ULK1: variants seen among roughly 807,000 people sequenced by gnomAD.
The protein encoded by ULK1 is serine/threonine-protein kinase ULK1.
In ULK1, 48 loss-of-function variants were observed where a neutral mutation model predicts 117.5. The ratio of observed to expected loss-of-function variants is 0.41; its 90% CI spans 0.32 to 0.52. ULK1 has a LOEUF of 0.52. Ranked by LOEUF, ULK1 falls within the 20% of genes least tolerant of loss-of-function variation. ULK1 has a pLI of 0.29. For synonymous variants in ULK1, 790 were observed against 637.8 expected (o/e 1.24, Z -3.60); for missense variants, 1,387 against 1,473.4 (o/e 0.94, Z 0.96).
chr12:131,915,747 T>A, intron 18 of ULK1, 144 bp from the exon 19 acceptor site: 5 of 1,175,024 alleles, frequency 4.3e-6, no homozygotes, highest in Non-Finnish European at 5.9e-6. Context: ...CCAGCCTGAA[T>A]GACAGGGCGA....
Position 131,921,461 on chromosome 12 carries a change from T to C in ULK1, c.*100T>C. On this transcript the variant is annotated 3_prime_UTR_variant, in exon 28 of 28. Transcript: ENST00000321867. Reference sequence around the variant, plus strand: ...GGGACAAGCCCATGGCGCTGATCGCTGGTGCTGAGCCCTGCCCTGGGCCCC... The same window carrying C: ...GGGACAAGCCCATGGCGCTGATCGCCGGTGCTGAGCCCTGCCCTGGGCCCC... 15 of 1,554,586 alleles carry C rather than the reference T, an allele frequency of 9.6e-6. No individual in the cohort carries two copies. Among genetic ancestry groups the C allele is most frequent in the Non-Finnish European group, 1.3e-5 (15 of 1,143,670 alleles).
chr12:131,914,597 T>G, intron 16 of ULK1, 120 bp downstream of exon 16: 1 of 1,325,056 alleles, frequency 7.5e-7, no homozygotes, highest in Non-Finnish European at 1.0e-6. Context: ...GGCTGCGCAC[T>G]GCGTAACTCA....
At position 131,917,540 on chromosome 12, in the gene ULK1, C is replaced by T; in HGVS notation, c.2312C>T (p.Thr771Ile). Residue 771 changes from threonine to isoleucine, a missense_variant, in exon 22 of 28, where the codon ACC becomes ATC. Thr to Ile is a moderately conservative substitution (Grantham distance 89, BLOSUM62 -1). Coordinates refer to ENST00000321867, the MANE Select transcript of ULK1 (RefSeq NM_003565.4). ...SGSTPPQGPRTRMFSAGPTGS... is the reference protein window; with the variant it reads ...SGSTPPQGPRIRMFSAGPTGS... ...AGCACGCCCCCCCAGGGCCCCCGCA[C>T]CAGGATGTTCTCAGGTGAGGGCTGG... The T allele has an allele frequency of 7.0e-7, 1 of 1,437,570 alleles. No individual in the cohort carries two copies. Among genetic ancestry groups the T allele is most frequent in the Non-Finnish European group, 9.2e-7 (1 of 1,090,650 alleles). The allele number at this position is 1,437,570 out of a possible 1,614,324, so 89.1% of individuals were successfully genotyped here. A position where few individuals can be genotyped will look rare whatever the true frequency, so the allele number is the denominator to read the frequency against.
chr12:131,895,728 G>A, intron 2 of ULK1, 35 bp downstream of exon 2: 1 of 1,613,384 alleles, frequency 6.2e-7, no homozygotes, highest in Middle Eastern at 1.7e-4. Flanking sequence ...CGTGGGCGTG[G>A]GCGTGGGCAA....
Position 131,915,877 on chromosome 12 carries a change from G to C in ULK1, c.1610-14G>C, listed in dbSNP as rs747447694. 4 of 1,607,866 alleles carry C rather than the reference G, an allele frequency of 2.5e-6. No homozygotes were observed. The highest frequency in any genetic ancestry group is 1.1e-5 in the South Asian group (1 of 91,068). On this transcript the variant is annotated splice_polypyrimidine_tract_variant and intron_variant, in intron 18 of 27. Transcript: ENST00000321867. The stretch of plus-strand genomic sequence containing the variant: ...CCGGACCGGAAGGTCGTGACGAGGC[G>C]TGTCTCTCTCTAGGCTCCTCTGCAC...
intron 3 of ULK1, among the ~76,000 whole-genome samples, chr12:131,900,631 A>C (rs1889047647): frequency 6.7e-6 from 1 of 148,892 alleles, no homozygotes; most frequent in African/African-American, 2.4e-5. Flanking sequence ...GGCCTTGCTG[A>C]TGGTGGCCCC....
Position 131,921,296 on chromosome 12 carries a change from C to T in ULK1, c.3098-10C>T, listed in dbSNP as rs768359973. 2 of 1,608,180 alleles carry T rather than the reference C, an allele frequency of 1.2e-6. No homozygotes were observed. The highest frequency in any genetic ancestry group is 2.2e-5 in the South Asian group (2 of 91,090). ...GGGCGTCTCCCTCACACTCCCCTCT[C>T]CCTCCACAGGCAAGCTGTGCATTGA... On this transcript the variant is annotated splice_polypyrimidine_tract_variant and intron_variant, in intron 27 of 27. Transcript: ENST00000321867.
At position 131,921,350 on chromosome 12, in the gene ULK1, A is replaced by G. The variant is rs781421136; in HGVS notation, c.3142A>G (p.Ile1048Val). 6.2e-7 allele frequency: 1 copy of G among 1,604,408 alleles called. No homozygotes were observed. Among genetic ancestry groups the G allele is most frequent in the Non-Finnish European group, 8.5e-7 (1 of 1,179,928 alleles). ...GAGACTCTCGGCGCTGCTGACTGGC[A>G]TCTGTGCCTGACCTTTCTGGCCTGG... The part of the protein sequence containing the change: ...ERRLSALLTG[I>V]CA The change falls in exon 28 of 28, where the codon ATC (isoleucine) becomes GTC (valine). Residue 1048 changes from isoleucine to valine, a missense_variant. Ile to Val is a conservative substitution (Grantham distance 29). This residue lies in a region of ULK1 where 900 missense variants were observed against 858.9 expected (regional missense o/e 1.05). Coordinates refer to ENST00000321867, the MANE Select transcript of ULK1 (RefSeq NM_003565.4).
chr12:131,908,058 T>C (rs899005169), intron 5 of ULK1, among the ~76,000 whole-genome samples: 2 of 151,612 alleles, frequency 1.3e-5, no homozygotes, highest in African/African-American at 4.8e-5. Context: ...GAGGTGGCTC[T>C]GGGACAGTTC....
chr12:131,911,563 C>G (rs1889536790), intron 12 of ULK1, among the ~76,000 whole-genome samples: 1 of 152,206 alleles, frequency 6.6e-6, no homozygotes, highest in African/African-American at 2.4e-5. Flanking sequence ...AGCCTCTCCA[C>G]TGGACACGCC....
At chr12:131,914,761 T>C (rs563356155) in intron 16 of ULK1, among the ~76,000 whole-genome samples, 1 of 152,358 alleles carries the variant, frequency 6.6e-6, no homozygotes, top group Admixed American at 6.5e-5. Flanking sequence ...TACCTTTCTT[T>C]TAACTCACAG....
intron 3 of ULK1, among the ~76,000 whole-genome samples, chr12:131,900,139 CTG>C (rs1377313266): frequency 2.7e-4 from 34 of 124,020 alleles, no homozygotes; most frequent in African/African-American, 8.8e-4. Flanking sequence ...AAAAAAAAAA[CTG>C]TTGTGGTTGT....
chr12:131,905,731 G>A (rs570238415), intron 3 of ULK1, among the ~76,000 whole-genome samples: 3 of 152,280 alleles, frequency 2.0e-5, no homozygotes, highest in South Asian at 4.1e-4. Context: ...ATGAGGACTC[G>A]TCCCTGTGGC....
intron 3 of ULK1, among the ~76,000 whole-genome samples, chr12:131,906,075 C>T (rs78236920): frequency 0.01 from 1,574 of 151,836 alleles, 9 homozygotes; most frequent in Non-Finnish European, 0.016. Context: ...AACCTGGCAG[C>T]GCCAACCTGC....
chr12:131,908,828 G>C lies in ULK1; in HGVS notation c.490+11G>C, dbSNP rs748391153. ...TCCGCGTCAAGATCGGTCAGCCCGC[G>C]GGCAGGCAGGCGGGCCCGGCGGGGA... On this transcript the variant is annotated intron_variant, in intron 6 of 27. Transcript: ENST00000321867. The C allele has an allele frequency of 9.5e-5, 152 of 1,605,774 alleles. No homozygotes were observed. The highest frequency in any genetic ancestry group is 1.2e-4 in the Non-Finnish European group (146 of 1,176,966).
intron 27 of ULK1, 34 bp downstream of exon 27, chr12:131,921,269 CTG>C (rs757663172): frequency 4.7e-5 from 75 of 1,608,008 alleles, no homozygotes; most frequent in Non-Finnish European, 1.1e-5. Flanking sequence ...GCTGGGGACT[CTG>C]GGCGTCTCCC....
At chr12:131,907,152 A>C (rs1249274869) in intron 4 of ULK1, among the ~76,000 whole-genome samples, 1 of 152,038 alleles carries the variant, frequency 6.6e-6, no homozygotes, top group African/African-American at 2.4e-5. Flanking sequence ...AGTAGCTGGG[A>C]GTAATTACAG....
chr12:131,895,120 C>T lies in ULK1; in HGVS notation c.111+8C>T, dbSNP rs1430394923. 1 of 1,521,422 alleles carries T rather than the reference C, an allele frequency of 6.6e-7. No homozygotes were observed. 94.2% of individuals were successfully genotyped at this position (1,521,422 alleles called of 1,614,324 possible). A position where few individuals can be genotyped will look rare whatever the true frequency, so the allele number is the denominator to read the frequency against. ...AAGGGCCGCCACCGCGAGGTGAGGCCCCCGTCCGGCCCGGGATCCCCCGCC... is the reference window on the plus strand; with the variant it reads ...AAGGGCCGCCACCGCGAGGTGAGGCTCCCGTCCGGCCCGGGATCCCCCGCC... On this transcript the variant is annotated splice_region_variant and intron_variant, in intron 1 of 27. Coordinates refer to ENST00000321867, the MANE Select transcript of ULK1 (RefSeq NM_003565.4).
At position 131,921,601 on chromosome 12, in the gene ULK1, C is replaced by T; in HGVS notation, c.*240C>T. The T allele has an allele frequency of 6.1e-6, 4 of 652,344 alleles. No individual in the cohort carries two copies. The South Asian group carries it at 7.5e-5, about 12-fold the overall frequency. 40.4% of individuals were successfully genotyped at this position (652,344 alleles called of 1,614,324 possible). A position where few individuals can be genotyped will look rare whatever the true frequency, so the allele number is the denominator to read the frequency against. On this transcript the variant is annotated 3_prime_UTR_variant, in exon 28 of 28. Coordinates refer to ENST00000321867, the MANE Select transcript of ULK1 (RefSeq NM_003565.4). ...TTTACAGGTGGGGATCACAGAATTT[C>T]TGCCCCTCCAGCTGCCTGGCTCAGC...
Sources: gnomAD v4.1 joint callset for allele counts (sites outside exome capture counted in the v4.1 genomes callset) on GRCh38, gnomAD v4.1.1 for gene constraint, gnomAD v4.1.1 regional missense constraint, MANE v1.5 for transcripts, NCBI Gene and HGNC (gene_info 2026-07-23, HGNC 2026-07-21) for gene names.